INTS13: variants seen among roughly 807,000 people sequenced by gnomAD.
INTS13 encodes integrator complex subunit 13.
Under a neutral mutation model 90.2 loss-of-function variants are expected in INTS13, and 35 were observed. The ratio of observed to expected loss-of-function variants is 0.39; its 90% confidence interval spans 0.30 to 0.51. The LOEUF (loss-of-function observed/expected upper bound fraction) is 0.51. Ranked by LOEUF, INTS13 falls within the 20% of genes least tolerant of loss-of-function variation. The pLI, the probability that INTS13 is intolerant of heterozygous loss-of-function variation, is 0.80. For missense variants in INTS13, 601 were observed against 851.2 expected (o/e 0.71, Z 3.66); for synonymous variants, 309 against 277.1 (o/e 1.11, Z -1.14).
chr12:26,912,083 G>A (rs1383079794), intron 14 of INTS13, among the ~76,000 whole-genome samples: 2 of 152,204 alleles, frequency 1.3e-5, no homozygotes, highest in African/African-American at 4.8e-5. Flanking sequence ...ATTGAAGGTA[G>A]ATGATGAGTA....
chr12:26,914,541 G>A lies in INTS13; in HGVS notation c.1286C>T (p.Pro429Leu). ...GEFMRENRLT[P>L]FLDPRYKIDG... ...GATTTTATATCTGGGGTCTAGAAAAGGAGTTAATCTGTTTTCCCTCATAAA... is the reference window on the plus strand; with the variant it reads ...GATTTTATATCTGGGGTCTAGAAAAAGAGTTAATCTGTTTTCCCTCATAAA... Residue 429 changes from proline (P) to leucine (L), a missense_variant, in exon 12 of 17, where the codon CCT (proline) becomes CTT (leucine). This residue lies in a region of INTS13 where 89 missense variants were observed against 191.0 expected (regional missense o/e 0.47). Coordinates refer to ENST00000261191, the MANE Select transcript of INTS13 (RefSeq NM_018164.3). 1 of 1,613,510 alleles carries A rather than the reference G, an allele frequency of 6.2e-7. No individual in the cohort carries two copies. The highest frequency in any genetic ancestry group is 1.1e-5 in the South Asian group (1 of 90,994).
At chr12:26,930,492 C>A (rs1457406244) in intron 3 of INTS13, among the ~76,000 whole-genome samples, 2 of 152,126 alleles carry the variant, frequency 1.3e-5, no homozygotes, top group Non-Finnish European at 2.9e-5. Context: ...ACATGGATAA[C>A]CAAAGCTAAA....
chr12:26,909,041 A>G (rs1031347703), intron 15 of INTS13, among the ~76,000 whole-genome samples: 3 of 152,166 alleles, frequency 2.0e-5, no homozygotes, highest in Admixed American at 2.0e-4. Flanking sequence ...CATTCATTCA[A>G]TAATTATTCT....
Position 26,928,929 on chromosome 12 carries a change from T to C in INTS13, c.301-24A>G, listed in dbSNP as rs1938036449. The C allele has an allele frequency of 4.4e-6, 7 of 1,604,376 alleles. No individual in the cohort carries two copies. The African/African-American group carries it at 5.3e-5, about 12-fold the overall frequency. The stretch of plus-strand genomic sequence containing the variant: ...AGCTAAGTAAAAGGGAAAACAATTA[T>C]GTTGACAAGAGTATGTGCAATTCAG... On this transcript the variant is annotated intron_variant, in intron 3 of 16. Transcript: ENST00000261191.
intron 1 of INTS13, among the ~76,000 whole-genome samples, chr12:26,937,214 C>T (rs1015353201): frequency 3.9e-5 from 6 of 152,010 alleles, no homozygotes; most frequent in Non-Finnish European, 8.8e-5. Context: ...ACATATAAAC[C>T]CCAAGCCAGC....
chr12:26,931,959 C>T (rs898123158), intron 3 of INTS13, among the ~76,000 whole-genome samples: 14 of 151,752 alleles, frequency 9.2e-5, no homozygotes, highest in Admixed American at 9.2e-4. Flanking sequence ...TGGTGGCAGG[C>T]GCCTGTAATT....
chr12:26,933,720 C>T (rs959493521), intron 3 of INTS13, among the ~76,000 whole-genome samples: 1 of 152,184 alleles, frequency 6.6e-6, no homozygotes, highest in Admixed American at 6.5e-5. Context: ...GAGCAGAAGA[C>T]TGTGCTCCAA....
chr12:26,924,022 T>C (rs1427581168), intron 7 of INTS13, among the ~76,000 whole-genome samples: 2 of 152,244 alleles, frequency 1.3e-5, no homozygotes, highest in Admixed American at 1.3e-4. Context: ...TCTGTGATCC[T>C]TTCTGGTTGC....
chr12:26,930,412 C>G (rs2137548510), intron 3 of INTS13, among the ~76,000 whole-genome samples: 1 of 152,230 alleles, frequency 6.6e-6, no homozygotes, highest in South Asian at 2.1e-4. Context: ...CAATGGTAAC[C>G]AAGATAGTAC....
At chr12:26,908,400 A>G (rs1592193755) in intron 15 of INTS13, among the ~76,000 whole-genome samples, 2 of 152,242 alleles carry the variant, frequency 1.3e-5, no homozygotes, top group Admixed American at 6.5e-5. Flanking sequence ...AAACTAATGC[A>G]TGTTCATGAG....
chr12:26,935,477 T>C (rs1282433985), intron 2 of INTS13, among the ~76,000 whole-genome samples: 3 of 152,202 alleles, frequency 2.0e-5, no homozygotes, highest in Non-Finnish European at 4.4e-5. Context: ...TTCCAAGGCT[T>C]ATCTGACAGG....
intron 3 of INTS13, among the ~76,000 whole-genome samples, chr12:26,931,304 C>G (rs1411739722): frequency 6.6e-6 from 1 of 152,006 alleles, no homozygotes; most frequent in African/African-American, 2.4e-5. Flanking sequence ...ATTAGCCAGG[C>G]ATGGTGGCAC....
intron 3 of INTS13, 194 bp from the exon 4 acceptor site, chr12:26,929,099 T>C: frequency 7.3e-6 from 4 of 545,786 alleles, no homozygotes; most frequent in East Asian, 3.0e-5. Flanking sequence ...ATTCTAGGAA[T>C]GCAAAGTTTA....
intron 14 of INTS13, among the ~76,000 whole-genome samples, 165 bp downstream of exon 14, chr12:26,913,288 CAAGA>C (rs1174233162): frequency 6.6e-6 from 1 of 152,024 alleles, no homozygotes; most frequent in Middle Eastern, 3.4e-3. Flanking sequence ...TTTTTGTGCC[CAAGA>C]AAGATCCTCT....
chr12:26,920,211 C>T lies in INTS13; in HGVS notation c.889+2405G>A, dbSNP rs558914530. ...TCACCAAGACCTAGCTACACTGTTA[C>T]CACCTCAGTAAAACCTGCCTAACTC... On this transcript the variant is annotated intron_variant, in intron 8 of 16. Transcript: ENST00000261191. Among the ~76,000 whole-genome samples, 9 of 152,134 alleles carry T rather than the reference C, an allele frequency of 5.9e-5. No homozygotes were observed. The East Asian group carries it at 1.2e-3, about 20-fold the overall frequency.
At chr12:26,920,127 C>CAAA (rs34416699) in intron 8 of INTS13, among the ~76,000 whole-genome samples, 3 of 134,624 alleles carry the variant, frequency 2.2e-5, no homozygotes, top group East Asian at 2.2e-4. Flanking sequence ...GACTCTGTCT[C>CAAA]AAAAAAAAAA....
At chr12:26,910,377 CTTGTTT>C (rs1194842478) in intron 15 of INTS13, among the ~76,000 whole-genome samples, 11 of 152,148 alleles carry the variant, frequency 7.2e-5, no homozygotes, top group Admixed American at 3.9e-4. Flanking sequence ...TATAACACTA[CTTGTTT>C]TTGTTTTTAA....
At chr12:26,907,108 T>C (rs753897791) in intron 15 of INTS13, among the ~76,000 whole-genome samples, 1 of 152,216 alleles carries the variant, frequency 6.6e-6, no homozygotes, top group Non-Finnish European at 1.5e-5. Context: ...AGGCCTGCTA[T>C]GTTAACTCTT....
intron 16 of INTS13, 145 bp downstream of exon 16, chr12:26,906,157 G>C (rs1951601462): frequency 1.4e-6 from 1 of 730,272 alleles, no homozygotes; most frequent in Non-Finnish European, 2.2e-6. Flanking sequence ...GAATCAAAGA[G>C]GTTAATTTTT....
Sources: allele counts gnomAD v4.1 joint callset (sites outside exome capture counted in the v4.1 genomes callset), GRCh38; gene constraint gnomAD v4.1.1; regional missense constraint gnomAD v4.1.1; transcripts MANE v1.5; gene names NCBI Gene and HGNC (gene_info 2026-07-23, HGNC 2026-07-21).